NCAM2: variants seen among roughly 807,000 people sequenced by gnomAD.
NCAM2 encodes neural cell adhesion molecule 2.
NCAM2 carries 30 observed loss-of-function variants against 98.1 expected under a neutral mutation model. That is an observed-to-expected ratio of 0.31 (90% CI 0.23 to 0.41). The LOEUF (loss-of-function observed/expected upper bound fraction) is 0.41. Ranked by LOEUF, NCAM2 falls within the 10% of genes least tolerant of loss-of-function variation. The pLI, the probability that NCAM2 is intolerant of heterozygous loss-of-function variation, is 1.00. For missense variants in NCAM2, 867 were observed against 1,005.8 expected (o/e 0.86, Z 1.87); for synonymous variants, 368 against 342.4 (o/e 1.07, Z -0.83).
chr21:21,233,419 T>A (rs1236856224), intron 1 of NCAM2, among the ~76,000 whole-genome samples: 2 of 151,668 alleles, frequency 1.3e-5, no homozygotes, highest in Admixed American at 1.3e-4. Flanking sequence ...ATTTTAATAG[T>A]CAAAAATATA....
chr21:21,501,105 G>C (rs1223649883), intron 15 of NCAM2, among the ~76,000 whole-genome samples: 2 of 151,994 alleles, frequency 1.3e-5, no homozygotes, highest in East Asian at 3.9e-4. Context: ...TTTACTCTTT[G>C]TATATTCAAG....
chr21:21,052,515 G>A (rs893034815), intron 1 of NCAM2, among the ~76,000 whole-genome samples: 2 of 151,736 alleles, frequency 1.3e-5, no homozygotes, highest in Non-Finnish European at 1.5e-5. Context: ...CTAGCATATA[G>A]TAAAGATTCC....
In NCAM2 at chr21:21,148,468, G is replaced by T. The variant is rs117840385; in HGVS notation, c.56-132110G>T. 6.4e-4 allele frequency among the ~76,000 whole-genome samples: 98 copies of T among 152,258 alleles called. 2 individuals carry two copies. In the East Asian group the frequency reaches 0.019, roughly 29 times the overall value. On this transcript the variant is annotated intron_variant, in intron 1 of 17. Transcript: ENST00000400546. ...ACAGCCTCTCTGGAAAAATTTATTT[G>T]TCCTTGTAGGGAGAAGAAGATACTG...
chr21:21,488,001 A>T (rs892812934), intron 15 of NCAM2, among the ~76,000 whole-genome samples: 1 of 152,146 alleles, frequency 6.6e-6, no homozygotes, highest in Non-Finnish European at 1.5e-5. Flanking sequence ...AAATGCACAT[A>T]TATGCCTTCA....
intron 1 of NCAM2, among the ~76,000 whole-genome samples, chr21:21,000,654 ATCTC>A (rs1399130914): frequency 6.6e-6 from 1 of 152,068 alleles, no homozygotes; most frequent in African/African-American, 2.4e-5. Context: ...CATTGTAAAG[ATCTC>A]TCTATCTAGT....
chr21:21,373,786 C>G, intron 8 of NCAM2, 77 bp from the exon 9 acceptor site: 1 of 1,234,386 alleles, frequency 8.1e-7, no homozygotes, highest in East Asian at 2.7e-5. Flanking sequence ...TGGGAAGTAA[C>G]ATAATGTTAT....
intron 1 of NCAM2, among the ~76,000 whole-genome samples, chr21:21,079,203 AAAAC>A (rs138485268): frequency 0.025 from 3,876 of 152,226 alleles, 141 homozygotes; most frequent in African/African-American, 0.082. Context: ...AGTAAAATAA[AAAAC>A]AAACAAACAA....
chr21:21,512,682 A>G (rs1273694231), intron 16 of NCAM2, among the ~76,000 whole-genome samples: 1 of 152,022 alleles, frequency 6.6e-6, no homozygotes, highest in East Asian at 1.9e-4. Context: ...TTTGAGTAGT[A>G]TGGACATTTT....
intron 1 of NCAM2, among the ~76,000 whole-genome samples, chr21:21,205,114 C>G (rs1224426577): frequency 6.6e-6 from 1 of 152,008 alleles, no homozygotes; most frequent in South Asian, 2.1e-4. Context: ...TAACGGTAAA[C>G]CGTATTCATT....
rs10618210 is a variant in NCAM2, at chr21:21,259,919, AAC to A, written c.56-20613_56-20612del. Among the ~76,000 whole-genome samples, 524 of 142,064 alleles carry A rather than the reference AAC, an allele frequency of 3.7e-3. 6 individuals carry two copies. The highest frequency in any genetic ancestry group is 0.013 in the African/African-American group (475 of 37,582). 93.2% of individuals were successfully genotyped at this position (142,064 alleles called of 152,430 possible). A position where few individuals can be genotyped will look rare whatever the true frequency, so the allele number is the denominator to read the frequency against. ...TTACATCCAAATAAAAATAAGAAGC[AAC>A]ACACACACACACACACACACACACA... On this transcript the variant is annotated intron_variant, in intron 1 of 17. Transcript: ENST00000400546.
At chr21:21,532,674 C>A (rs1293794898) in intron 16 of NCAM2, among the ~76,000 whole-genome samples, 1 of 152,096 alleles carries the variant, frequency 6.6e-6, no homozygotes, top group Admixed American at 6.6e-5. Context: ...TGCTAAGAAT[C>A]ATCAATAGCC....
intron 1 of NCAM2, among the ~76,000 whole-genome samples, chr21:21,260,072 A>G (rs1384169374): frequency 6.6e-6 from 1 of 151,668 alleles, no homozygotes; most frequent in African/African-American, 2.4e-5. Context: ...ATTATGAGCA[A>G]TAGAATAGAT....
At chr21:21,354,947 C>G (rs886660704) in intron 8 of NCAM2, among the ~76,000 whole-genome samples, 1 of 152,066 alleles carries the variant, frequency 6.6e-6, no homozygotes, top group African/African-American at 2.4e-5. Flanking sequence ...AAATGCTGGC[C>G]TTGGTCTTAG....
At chr21:21,270,165 A>C (rs953354559) in intron 1 of NCAM2, among the ~76,000 whole-genome samples, 72 of 152,320 alleles carry the variant, frequency 4.7e-4, no homozygotes, top group East Asian at 7.7e-4. Context: ...AAGGCAGCTA[A>C]TAACTTACAT....
At chr21:21,416,403 AAGTC>A (rs1412009256) in intron 10 of NCAM2, among the ~76,000 whole-genome samples, 1 of 152,126 alleles carries the variant, frequency 6.6e-6, no homozygotes, top group African/African-American at 2.4e-5. Context: ...AATTACCAAA[AAGTC>A]AGAGAGACAG....
chr21:21,286,464 T>C (rs1298828620), intron 4 of NCAM2, 52 bp downstream of exon 4: 3 of 1,529,880 alleles, frequency 2.0e-6, no homozygotes, highest in Non-Finnish European at 2.7e-6. Context: ...TATTGCAGTT[T>C]TTAAAAATCT....
At chr21:21,486,782 C>G (rs1986428327) in intron 15 of NCAM2, among the ~76,000 whole-genome samples, 1 of 152,048 alleles carries the variant, frequency 6.6e-6, no homozygotes, top group African/African-American at 2.4e-5. Context: ...AAAGAACATT[C>G]AAAGTGAGGT....
chr21:21,177,190 C>T (rs1275034718), intron 1 of NCAM2, among the ~76,000 whole-genome samples: 1 of 151,982 alleles, frequency 6.6e-6, no homozygotes. Flanking sequence ...AAATGAAAAT[C>T]GTGTGTAGAT....
At chr21:21,374,056 T>C in intron 9 of NCAM2, 43 bp downstream of exon 9, 1 of 1,579,170 alleles carries the variant, frequency 6.3e-7, no homozygotes, top group Admixed American at 1.8e-5. Context: ...TAACTTTGCA[T>C]GCTTTGAAAC....
Sources: allele counts gnomAD v4.1 joint callset (sites outside exome capture counted in the v4.1 genomes callset), GRCh38; gene constraint gnomAD v4.1.1; transcripts MANE v1.5; gene names NCBI Gene and HGNC (gene_info 2026-07-23, HGNC 2026-07-21).